Variants in MTFR1 observed in about 807,000 individuals in gnomAD.
MTFR1 encodes chondrocyte protein with a poly-proline region.
Under a neutral mutation model 38.8 loss-of-function variants are expected in MTFR1, and 28 were observed. The ratio of observed to expected loss-of-function variants is 0.72; its 90% CI spans 0.53 to 0.99. MTFR1 has a LOEUF of 0.99. Ranked by LOEUF, MTFR1 falls within the 50% of genes least tolerant of loss-of-function variation. MTFR1 has a pLI of 0.00. For synonymous variants in MTFR1, 145 were observed against 137.0 expected, an observed-to-expected ratio of 1.06 and a Z score of -0.41; for missense variants, 358 against 395.5, an observed-to-expected ratio of 0.91 and a Z score of 0.81.
At chr8:65,678,645 A>G (rs1326489437) in intron 2 of MTFR1, among the ~76,000 whole-genome samples, 1 of 152,158 alleles carries the variant, frequency 6.6e-6, no homozygotes, top group African/African-American at 2.4e-5. Context: ...TCATGCCTGT[A>G]ATCCCAGCAC....
At chr8:65,762,100 T>C (rs995752295) in intron 3 of MTFR1, among the ~76,000 whole-genome samples, 1 of 152,172 alleles carries the variant, frequency 6.6e-6, no homozygotes, top group Non-Finnish European at 1.5e-5. Flanking sequence ...CCTTGGAGAT[T>C]ATTGTTTAAA....
chr8:65,675,687 T>C (rs1804691792), intron 2 of MTFR1, among the ~76,000 whole-genome samples: 1 of 152,206 alleles, frequency 6.6e-6, no homozygotes, highest in Admixed American at 6.5e-5. Flanking sequence ...ATCTCCATTT[T>C]ATAGGTGAGA....
In MTFR1 at chr8:65,745,274, G is replaced by A. The variant is rs1370315537; in HGVS notation, c.*49-25673G>A. 7.5e-6 allele frequency: 5 copies of A among 662,270 alleles called. 1 individual carries two copies. In the East Asian group the frequency reaches 1.4e-4, roughly 19 times the overall value. 41.0% of individuals were successfully genotyped at this position (662,270 alleles called of 1,614,324 possible). A position where few individuals can be genotyped will look rare whatever the true frequency, so the allele number is the denominator to read the frequency against. ...ATGTCTTTATCAGCAGTGTGAAAAT[G>A]GACTAATACACTCTCTTCCAGCAGA... On this transcript the variant is annotated intron_variant, in intron 3 of 3. Transcript: ENST00000521247.
intron 2 of MTFR1, among the ~76,000 whole-genome samples, chr8:65,676,684 G>A (rs1262973297): frequency 2.0e-5 from 3 of 152,030 alleles, no homozygotes; most frequent in Admixed American, 6.6e-5. Flanking sequence ...ATTTTTCTTA[G>A]AGTTAAATTT....
chr8:65,724,789 A>C lies in MTFR1; in HGVS notation c.*48+5308A>C, dbSNP rs1311573921. On this transcript the variant is annotated intron_variant, in intron 3 of 3. Coordinates refer to the MTFR1 transcript ENST00000521247. ...AGCCCCATTTTACCTGTAAAACCAA[A>C]TGTCTGTGTCTGGTGTCTTCTAGGC... is the stretch of plus-strand genomic sequence containing the variant. The C allele has an allele frequency of 1.9e-6, 3 of 1,604,232 alleles. No individual in the cohort carries two copies. In the Admixed American group the frequency reaches 5.1e-5, roughly 27 times the overall value.
intron 3 of MTFR1, among the ~76,000 whole-genome samples, chr8:65,754,030 C>T (rs1303462497): frequency 6.6e-6 from 1 of 152,044 alleles, no homozygotes; most frequent in Non-Finnish European, 1.5e-5. Flanking sequence ...TAAGTATTAA[C>T]TCACACGATC....
At chr8:65,654,990 A>G (rs1809216756) in intron 1 of MTFR1, among the ~76,000 whole-genome samples, 1 of 152,218 alleles carries the variant, frequency 6.6e-6, no homozygotes, top group South Asian at 2.1e-4. Context: ...CAACATTTTT[A>G]GTCATTGTTG....
chr8:65,647,635 G>A (rs1585735790), intron 1 of MTFR1, among the ~76,000 whole-genome samples: 1 of 152,138 alleles, frequency 6.6e-6, no homozygotes, highest in East Asian at 1.9e-4. Flanking sequence ...AGTGATGATA[G>A]ACTTCATTTT....
chr8:65,652,143 G>A (rs184670754), intron 1 of MTFR1, among the ~76,000 whole-genome samples: 23 of 151,938 alleles, frequency 1.5e-4, no homozygotes, highest in East Asian at 3.9e-4. Flanking sequence ...TCTGTCGCCC[G>A]GGCTGGAGTC....
chr8:65,759,342 G>A (rs1405218102), intron 3 of MTFR1, among the ~76,000 whole-genome samples: 2 of 152,152 alleles, frequency 1.3e-5, no homozygotes, highest in African/African-American at 4.8e-5. Context: ...GGCCAAGAGG[G>A]CCAAATCTTG....
chr8:65,760,975 A>T (rs1808462788), intron 3 of MTFR1, among the ~76,000 whole-genome samples: 1 of 152,244 alleles, frequency 6.6e-6, no homozygotes, highest in South Asian at 2.1e-4. Context: ...ATGAGAATTT[A>T]ACTAGTACTT....
chr8:65,713,636 T>G (rs1253681343), downstream of MTFR1, among the ~76,000 whole-genome samples: 1 of 152,204 alleles, frequency 6.6e-6, no homozygotes, highest in African/African-American at 2.4e-5. Flanking sequence ...ATTGAACATT[T>G]AAAACTATTT....
intron 1 of MTFR1, among the ~76,000 whole-genome samples, chr8:65,660,489 G>A (rs771165645): frequency 3.3e-5 from 5 of 152,082 alleles, no homozygotes; most frequent in Non-Finnish European, 7.4e-5. Flanking sequence ...TTGAGGGCCT[G>A]AATAAAATAA....
downstream of MTFR1, among the ~76,000 whole-genome samples, chr8:65,774,423 T>A (rs974397154): frequency 3.3e-5 from 5 of 152,126 alleles, no homozygotes; most frequent in Admixed American, 3.3e-4. Context: ...CTTTTAAAGA[T>A]CTTAAATAAT....
intron 4 of MTFR1, 138 bp from the exon 5 acceptor site, chr8:65,704,556 C>T: frequency 3.1e-6 from 2 of 650,752 alleles, no homozygotes; most frequent in South Asian, 4.0e-5. Flanking sequence ...CTGTTTTTGT[C>T]CTTACACGAA....
chr8:65,655,951 A>ATATATATATATATGT lies in MTFR1; in HGVS notation c.-81+11167_-81+11168insTATATATATATATGT, dbSNP rs1377063247. The stretch of plus-strand genomic sequence containing the variant: ...AGCAAGACTCTGTCTTAAAAAAAAA[A>ATATATATATATATGT]ATATATATATATATATACCATATAT... On this transcript the variant is annotated intron_variant, in intron 1 of 7. Transcript: ENST00000262146. Among the ~76,000 whole-genome samples the ATATATATATATATGT allele has an allele frequency of 2.0e-4, 11 of 55,380 alleles. 1 individual carries two copies. The highest frequency in any genetic ancestry group is 5.4e-4 in the African/African-American group (4 of 7,424). 36.3% of individuals were successfully genotyped at this position (55,380 alleles called of 152,430 possible). A position where few individuals can be genotyped will look rare whatever the true frequency, so the allele number is the denominator to read the frequency against.
chr8:65,668,131 A>G (rs1004262770), intron 1 of MTFR1, among the ~76,000 whole-genome samples: 3 of 151,302 alleles, frequency 2.0e-5, no homozygotes, highest in Admixed American at 6.6e-5. Context: ...GGCATACAGC[A>G]TACTGTTTGG....
At chr8:65,696,691 C>T (rs539666456) in intron 4 of MTFR1, among the ~76,000 whole-genome samples, 2 of 152,126 alleles carry the variant, frequency 1.3e-5, no homozygotes, top group East Asian at 3.9e-4. Context: ...GACAGAGTCT[C>T]ACTCTGTCAC....
chr8:65,663,848 G>A (rs1373667456), intron 1 of MTFR1, among the ~76,000 whole-genome samples: 7 of 123,708 alleles, frequency 5.7e-5, no homozygotes, highest in African/African-American at 2.3e-4. Context: ...TTTTTGAGAC[G>A]GAGCCTCACT....
Sources: gnomAD v4.1 joint callset for allele counts (sites outside exome capture counted in the v4.1 genomes callset) on GRCh38, gnomAD v4.1.1 for gene constraint, MANE v1.5 for transcripts, NCBI Gene and HGNC (gene_info 2026-07-23, HGNC 2026-07-21) for gene names.